The following TTN variants were observed in gnomAD, a reference collection of about 807,000 sequenced individuals.
TTN encodes the protein connectin.
Under a neutral mutation model 3,223.0 loss-of-function variants are expected in TTN, and 1,525 were observed. The observed-to-expected ratio is 0.47, with a 90% CI of 0.45 to 0.49. TTN has a LOEUF of 0.49. TTN is among the 20% of genes least tolerant of loss of function. TTN has a pLI of 0.00. For missense variants in TTN, 40,786 were observed against 43,424.0 expected (o/e 0.94, Z 5.40); for synonymous variants, 14,094 against 15,161.0 (o/e 0.93, Z 5.17).
In TTN at chr2:178,575,158, G is replaced by A. The variant is rs752019200; in HGVS notation, c.70974C>T (p.Leu23658=). 8 of 1,612,456 alleles carry A rather than the reference G, an allele frequency of 5.0e-6. No homozygotes were observed. The highest frequency in any genetic ancestry group is 2.2e-5 in the South Asian group (2 of 90,922). Residue 23658 remains leucine, a synonymous_variant, in exon 326 of 363, where the codon CTC becomes CTT. Coordinates refer to ENST00000589042, the MANE Select transcript of TTN (RefSeq NM_001267550.2). This position sits in a 1 kb window ranked among gnomAD's most constrained non-coding sequence, Gnocchi z 4.0. ...ATGTCACTGTGGGCTTCGGTCGACCGAGCACTGGAATTTCAACTTTGATGT... is the reference window on the plus strand; with the variant it reads ...ATGTCACTGTGGGCTTCGGTCGACCAAGCACTGGAATTTCAACTTTGATGT... The part of the protein sequence containing the change: ...GDNIKVEIPV[L]GRPKPTVTWK...
intron 47 of TTN, chr2:178,742,981 T>C (rs1434309703): frequency 1.3e-5 from 2 of 152,076 alleles, no homozygotes; most frequent in African/African-American, 4.8e-5. Context: ...GTATTTATTA[T>C]TTTAAGTAAA....
chr2:178,722,611 C>A (rs576793734), intron 76 of TTN, 48 bp downstream of exon 76: 1 of 1,592,548 alleles, frequency 6.3e-7, no homozygotes, highest in South Asian at 1.2e-5. Flanking sequence ...CATAAAGATA[C>A]AAGAGTTAAG....
intron 288 of TTN, 87 bp from the exon 289 acceptor site, chr2:178,599,937 G>C (rs1404130505): frequency 7.7e-7 from 1 of 1,298,800 alleles, no homozygotes; most frequent in Non-Finnish European, 1.0e-6. Flanking sequence ...AAGTTGTTTG[G>C]ATCCACTGTA....
At chr2:178,742,105 T>A (rs1488143068) in intron 47 of TTN, among the ~76,000 whole-genome samples, 184 bp from the exon 48 acceptor site, 1 of 152,054 alleles carries the variant, frequency 6.6e-6, no homozygotes, top group Non-Finnish European at 1.5e-5. Flanking sequence ...CATATAAAAT[T>A]ATGCAAAATT....
chr2:178,637,146 G>GAT (rs61216469), intron 224 of TTN, among the ~76,000 whole-genome samples: 2,142 of 48,876 alleles, frequency 0.044, 135 homozygotes, highest in Non-Finnish European at 0.052. Flanking sequence ...AATATAGTTG[G>GAT]ATATATATAT....
In TTN at chr2:178,532,250, C is replaced by T. The variant is rs190565627; in HGVS notation, c.104365G>A (p.Glu34789Lys). 478 of 1,613,700 alleles carry T rather than the reference C, an allele frequency of 3.0e-4. 1 individual carries two copies. The African/African-American group carries it at 5.2e-3, about 17-fold the overall frequency. Residue 34789 changes from glutamate to lysine, a missense_variant, in exon 358 of 363, where the codon GAA becomes AAA. Transcript: ENST00000589042. ...TCCTCCTTTGACATGAAGTCAAGTT[C>T]GCTTTTGTATTCTGAGAGATGCTGG... ...TTQHLSEYKS[E>K]LDFMSKEEKS... is the part of the protein sequence containing the mutation.
Position 178,777,504 on chromosome 2 carries a change from T to G in TTN, c.4561A>C (p.Thr1521Pro), listed in dbSNP as rs1574674545. 6.2e-7 allele frequency: 1 copy of G among 1,613,890 alleles called. No individual in the cohort carries two copies. ...GTCCATTCCCCAGAATCACTGGGTG[T>G]GGCAGGGACAATAATTAGTGATTGA... ...GTQSLIIVPA[T>P]PSDSGEWTVV... Residue 1521 changes from threonine to proline, a missense_variant, in exon 26 of 363, where the codon ACA (threonine) becomes CCA (proline). Transcript: ENST00000589042.
In TTN at chr2:178,540,378, TAAG is replaced by T. The variant is rs764770990; in HGVS notation, c.97796-11_97796-9del. The stretch of plus-strand genomic sequence containing the variant: ...GTGGCTTTCCTGGAGGAGCTGAGAA[TAAG>T]AATAAGAATATACTGGTTAAAGTTG... On this transcript the variant is annotated splice_polypyrimidine_tract_variant and intron_variant, in intron 350 of 362. Coordinates refer to ENST00000589042, the MANE Select transcript of TTN (RefSeq NM_001267550.2). 1.2e-6 allele frequency: 2 copies of T among 1,603,576 alleles called. No individual in the cohort carries two copies. The highest frequency in any genetic ancestry group is 2.2e-5 in the South Asian group (2 of 90,012).
intron 159 of TTN, among the ~76,000 whole-genome samples, chr2:178,668,513 C>T (rs762301430): frequency 7.9e-5 from 12 of 151,872 alleles, no homozygotes; most frequent in Non-Finnish European, 1.5e-4. Context: ...GGCGGGTCAC[C>T]TGAGGTCAGG....
chr2:178,678,489 C>A lies in TTN; in HGVS notation c.33835G>T (p.Val11279Leu), dbSNP rs755655610. 3.8e-6 allele frequency: 6 copies of A among 1,578,956 alleles called. No individual in the cohort carries two copies. The South Asian group carries it at 7.2e-5, about 19-fold the overall frequency. ...VEAPPAKVPE[V>L]PKKPVPEKKV... ...TTCTCAGGCACAGGCTTCTTGGGTA[C>A]CTCTGGCACTTTAACGAAATGATTT... Residue 11279 changes from valine (V) to leucine (L), a missense_variant, in exon 144 of 363, where the codon GTA (valine) becomes TTA (leucine). Val to Leu is a conservative substitution (Grantham distance 32). Transcript: ENST00000589042.
rs527403084 is a variant in TTN at position 178,663,272 on chromosome 2, G to T, written c.36694C>A (p.Pro12232Thr). Residue 12232 changes from proline (P) to threonine (T), a missense_variant, in exon 173 of 363, where the codon CCT becomes ACT. By Grantham distance (38) the Pro-to-Thr change is conservative. Transcript: ENST00000589042. ...TGTATAGCTTTGGCATTACCTTCAG[G>T]GGGAGGACTTTCCGGTTTGGGAGGA... The part of the protein sequence containing the change: ...AIPPKPESPP[P>T]EVPEVLPPKE... 4.5e-6 allele frequency: 7 copies of T among 1,562,218 alleles called. 1 individual carries two copies. In the Admixed American group the frequency reaches 5.5e-5, roughly 12 times the overall value.
rs190600127 is a variant in TTN at position 178,711,143 on chromosome 2, G to A, written c.28093C>T (p.Arg9365Trp). ...CAGGAATACTGGCCTGCAAGGCTCC[G>A]GTCAGTTTTAAAAATATTGAGTGTG... Reference protein sequence around the residue: ...TATLNIFKTDRSLAGQYSCTA... With the variant: ...TATLNIFKTDWSLAGQYSCTA... The change falls in exon 97 of 363, where the codon CGG becomes TGG. Residue 9365 changes from arginine to tryptophan, a missense_variant. Arg to Trp is a moderately radical substitution (Grantham distance 101). Transcript: ENST00000589042. The A allele has an allele frequency of 4.8e-5, 77 of 1,613,820 alleles. No homozygotes were observed. The highest frequency in any genetic ancestry group is 4.5e-4 in the Admixed American group (27 of 60,000).
At chr2:178,694,334 A>G (rs1352720277) in intron 117 of TTN, among the ~76,000 whole-genome samples, 1 of 152,210 alleles carries the variant, frequency 6.6e-6, no homozygotes, top group Admixed American at 6.5e-5. Context: ...AATGCATTGC[A>G]TAGTGAAGTT....
chr2:178,624,542 T>C lies in TTN; in HGVS notation c.44738A>G (p.Asp14913Gly). The change falls in exon 242 of 363, where the codon GAC becomes GGC. Residue 14913 changes from aspartate (D) to glycine (G), a missense_variant. Coordinates refer to ENST00000589042, the MANE Select transcript of TTN (RefSeq NM_001267550.2). ...DGRVRKLVIH[D>G]CTPEDIKTYT... ...TGTTTTAATATCCTCTGGGGTACAG[T>C]CATGTATAACAAGTTTTCTGACCCT... The C allele has an allele frequency of 5.6e-6, 9 of 1,612,796 alleles. No individual in the cohort carries two copies. Among genetic ancestry groups the C allele is most frequent in the Non-Finnish European group, 7.6e-6 (9 of 1,179,198 alleles).
In TTN at chr2:178,600,674, G is replaced by C. The variant is rs1304784469; in HGVS notation, c.56050+180C>G. 3 of 722,088 alleles carry C rather than the reference G, an allele frequency of 4.2e-6. No individual in the cohort carries two copies. In the East Asian group the frequency reaches 8.1e-5, roughly 20 times the overall value. The allele number at this position is 722,088 out of a possible 1,614,324, so 44.7% of individuals were successfully genotyped here. On this transcript the variant is annotated intron_variant, in intron 288 of 362. Transcript: ENST00000589042. ...AACAGGGAAAAGGTAACAGGTAAGG[G>C]AATGTGAAAATTCTGTGGAAATTGA...
intron 127 of TTN, among the ~76,000 whole-genome samples, chr2:178,687,716 G>A (rs1484827435): frequency 6.6e-6 from 1 of 152,130 alleles, no homozygotes; most frequent in East Asian, 1.9e-4. Flanking sequence ...TGTGGATTGT[G>A]GTACAAGCAA....
At chr2:178,550,370 G>A in intron 336 of TTN, 97 bp from the exon 337 acceptor site, 1 of 1,019,142 alleles carries the variant, frequency 9.8e-7, no homozygotes, top group South Asian at 1.7e-5. Flanking sequence ...AGGCCAGGAA[G>A]AGTAGTGACT....
rs35833641 is a variant in TTN, at chr2:178,597,767, A to G, written c.57315T>C (p.His19105=). ...CAATGATTCGGATCACCCCTCCAGC[A>G]TGGACAACAATTCTATCTCTGACAC... is the stretch of plus-strand genomic sequence containing the variant. ...DASVRDRIVV[H]AGGVIRIIAY... The change falls in exon 294 of 363, where the codon CAT becomes CAC. Residue 19105 remains histidine (H), a synonymous_variant. Transcript: ENST00000589042. 0.28 allele frequency: 448,234 copies of G among 1,613,028 alleles called. 67,882 individuals carry two copies. Among genetic ancestry groups the G allele is most frequent in the Non-Finnish European group, 0.31 (367,840 of 1,179,444 alleles).
At chr2:178,708,082 G>A (rs149377468) in intron 99 of TTN, among the ~76,000 whole-genome samples, 2 of 152,294 alleles carry the variant, frequency 1.3e-5, no homozygotes, top group East Asian at 1.9e-4. Flanking sequence ...ACTAAGCACT[G>A]CAGACATTGG....
Sources: allele counts gnomAD v4.1 joint callset (sites outside exome capture counted in the v4.1 genomes callset), GRCh38; gene constraint gnomAD v4.1.1; non-coding constraint Gnocchi (gnomAD v3.1); transcripts MANE v1.5; gene names NCBI Gene and HGNC (gene_info 2026-07-23, HGNC 2026-07-21).